The following ACADSB variants were observed in gnomAD, a reference collection of about 807,000 sequenced individuals.
The protein encoded by ACADSB is acyl-CoA dehydrogenase short/branched chain.
In ACADSB, 40 loss-of-function variants were observed where a neutral mutation model predicts 54.1. The observed-to-expected ratio is 0.74, with a 90% CI of 0.57 to 0.96. The LOEUF is 0.96. Among genes scored for constraint, ACADSB ranks in the 40% least tolerant of loss-of-function variants. The pLI is 0.00. For synonymous variants in ACADSB, 182 were observed against 182.8 expected (o/e 1.00, Z 0.03); for missense variants, 530 against 510.4 (o/e 1.04, Z -0.37).
rs189122604 is a variant in ACADSB, at chr10:123,057,134, C to G, written c.*3369C>G. On this transcript the variant is annotated 3_prime_UTR_variant, in exon 11 of 11. Transcript: ENST00000358776. Reference sequence around the variant, plus strand: ...TTACAGATAATGGAGCAGAAGCCAACATTAGTAAAAGGAATCCCAACTTCT... The same window carrying G: ...TTACAGATAATGGAGCAGAAGCCAAGATTAGTAAAAGGAATCCCAACTTCT... 6.6e-6 allele frequency: 1 copy of G among 152,438 alleles called. No individual in the cohort carries two copies. The highest frequency in any genetic ancestry group is 1.9e-4 in the East Asian group (1 of 5,176). 9.4% of individuals were successfully genotyped at this position (152,438 alleles called of 1,614,324 possible).
chr10:123,046,588 C>G (rs1850563111), intron 7 of ACADSB, among the ~76,000 whole-genome samples: 1 of 152,200 alleles, frequency 6.6e-6, no homozygotes, highest in Non-Finnish European at 1.5e-5. Context: ...TTCACCTACT[C>G]TACTCCCAAG....
chr10:123,025,790 G>A (rs781753536), intron 1 of ACADSB, among the ~76,000 whole-genome samples: 2 of 152,220 alleles, frequency 1.3e-5, no homozygotes, highest in Non-Finnish European at 2.9e-5. Context: ...CAGTGTGGTG[G>A]TGGCTCACGC....
At chr10:123,018,790 T>C (rs1391484708) in intron 1 of ACADSB, among the ~76,000 whole-genome samples, 1 of 152,186 alleles carries the variant, frequency 6.6e-6, no homozygotes, top group Admixed American at 6.5e-5. Context: ...GCAGGGGAAC[T>C]GCCCTTTATA....
chr10:123,039,076 A>C (rs1188768378), intron 3 of ACADSB, among the ~76,000 whole-genome samples: 1 of 152,020 alleles, frequency 6.6e-6, no homozygotes, highest in African/African-American at 2.4e-5. Context: ...CCTCACTCCC[A>C]TTGTCCTGGG....
chr10:123,024,619 C>T (rs1850225318), intron 1 of ACADSB, among the ~76,000 whole-genome samples: 1 of 152,240 alleles, frequency 6.6e-6, no homozygotes, highest in African/African-American at 2.4e-5. Flanking sequence ...AGGTTCTTGG[C>T]ATTTTGAACA....
At chr10:123,032,625 T>G (rs1197075572) in intron 1 of ACADSB, among the ~76,000 whole-genome samples, 1 of 149,668 alleles carries the variant, frequency 6.7e-6, no homozygotes, top group African/African-American at 2.5e-5. Flanking sequence ...GTTTCGCTCT[T>G]GTTGCCCAGG....
chr10:123,047,098 G>C lies in ACADSB; in HGVS notation c.901-111G>C. 3 of 894,502 alleles carry C rather than the reference G, an allele frequency of 3.4e-6. No homozygotes were observed. The South Asian group carries it at 4.2e-5, about 13-fold the overall frequency. 55.4% of individuals were successfully genotyped at this position (894,502 alleles called of 1,614,324 possible). A position where few individuals can be genotyped will look rare whatever the true frequency, so the allele number is the denominator to read the frequency against. On this transcript the variant is annotated intron_variant, in intron 7 of 10. Coordinates refer to ENST00000358776, the MANE Select transcript of ACADSB (RefSeq NM_001609.4). ...ACACCTCACCACCTCAGCATCTCCA[G>C]TTCTTCCCCTGCCCCAATCATTCAA...
chr10:123,043,196 A>G (rs1850498552), intron 6 of ACADSB, 25 bp downstream of exon 6: 31 of 1,612,506 alleles, frequency 1.9e-5, no homozygotes, highest in Non-Finnish European at 2.6e-5. Context: ...CTAATCAGTA[A>G]AAGACTGATG....
intron 3 of ACADSB, 147 bp downstream of exon 3, chr10:123,037,994 A>G: frequency 3.1e-6 from 2 of 649,996 alleles, no homozygotes; most frequent in Non-Finnish European, 5.3e-6. Flanking sequence ...TGTACTTAAA[A>G]GTTCTTAAAA....
At chr10:123,034,634 C>T in intron 2 of ACADSB, 119 bp downstream of exon 2, 1 of 1,084,362 alleles carries the variant, frequency 9.2e-7, no homozygotes, top group Non-Finnish European at 1.4e-6. Context: ...CTTCAGCCTC[C>T]TGAATAGCTG....
intron 1 of ACADSB, among the ~76,000 whole-genome samples, chr10:123,033,223 C>T (rs1003095651): frequency 3.3e-5 from 5 of 152,202 alleles, no homozygotes; most frequent in African/African-American, 9.6e-5. Flanking sequence ...AAAATTGAGA[C>T]GCATACCACT....
At chr10:123,027,027 G>A (rs576657321) in intron 1 of ACADSB, among the ~76,000 whole-genome samples, 7 of 152,228 alleles carry the variant, frequency 4.6e-5, no homozygotes, top group South Asian at 2.1e-4. Flanking sequence ...GGTAGGGCAC[G>A]TTCATAGATT....
In ACADSB at chr10:123,024,647, CACAA is replaced by C. The variant is rs1175677267; in HGVS notation, c.43-9703_43-9700del. ...TTTGAACAAAGAGTTGGACAAAATG[CACAA>C]ACAAAGGAAGAAAAGAATGAAGCAA... On this transcript the variant is annotated intron_variant, in intron 1 of 10. Transcript: ENST00000358776. Among the ~76,000 whole-genome samples, 8 of 152,286 alleles carry C rather than the reference CACAA, an allele frequency of 5.3e-5. No homozygotes were observed. The South Asian group carries it at 1.0e-3, about 20-fold the overall frequency.
intron 1 of ACADSB, among the ~76,000 whole-genome samples, chr10:123,024,383 C>T (rs1296941302): frequency 2.0e-5 from 3 of 152,216 alleles, no homozygotes; most frequent in African/African-American, 4.8e-5. Context: ...GGCAGCTATC[C>T]TCAGTCACTC....
rs1489138928 is a variant in ACADSB at position 123,023,540 on chromosome 10, A to T, written c.43-10816A>T. On this transcript the variant is annotated intron_variant, in intron 1 of 10. Transcript: ENST00000358776. ...TTTACCTTGGAACTCTAGCCATGAG[A>T]TAGCAATACAGGCTCACCAGTTTTA... 2.6e-5 allele frequency among the ~76,000 whole-genome samples: 4 copies of T among 152,328 alleles called. 1 individual carries two copies. The highest frequency in any genetic ancestry group is 2.6e-4 in the Admixed American group (4 of 15,290).
At chr10:123,036,435 G>A (rs1024878635) in intron 2 of ACADSB, among the ~76,000 whole-genome samples, 16 of 152,214 alleles carry the variant, frequency 1.1e-4, no homozygotes, top group African/African-American at 3.9e-4. Flanking sequence ...ATGGTCTCAG[G>A]GAAGTGAGTT....
chr10:123,014,251 C>G (rs1356546553), intron 1 of ACADSB, among the ~76,000 whole-genome samples: 1 of 152,184 alleles, frequency 6.6e-6, no homozygotes, highest in African/African-American at 2.4e-5. Flanking sequence ...GAACAGCTGA[C>G]TCATAATAAA....
Position 123,052,534 on chromosome 10 carries a change from C to T in ACADSB, c.1129-527C>T, listed in dbSNP as rs1396825634. Among the ~76,000 whole-genome samples the T allele has an allele frequency of 6.6e-6, 1 of 152,206 alleles. No homozygotes were observed. The highest frequency in any genetic ancestry group is 2.4e-5 in the African/African-American group (1 of 41,440). On this transcript the variant is annotated intron_variant, in intron 9 of 10. Transcript: ENST00000358776. This position sits in a 1 kb window ranked among gnomAD's most constrained non-coding sequence, Gnocchi z 4.2. ...AATCTCTCCATCTCGTGTCCTTACC[C>T]ACATCTGCAGAGTCCCTATTGCCAT...
At chr10:123,009,891 G>C (rs2133448555) in intron 1 of ACADSB, among the ~76,000 whole-genome samples, 1 of 152,296 alleles carries the variant, frequency 6.6e-6, no homozygotes, top group East Asian at 1.9e-4. Flanking sequence ...CACTTCACTG[G>C]GAATTTTCCC....
Sources: allele counts gnomAD v4.1 joint callset (sites outside exome capture counted in the v4.1 genomes callset), GRCh38; gene constraint gnomAD v4.1.1; non-coding constraint Gnocchi (gnomAD v3.1); transcripts MANE v1.5; gene names NCBI Gene and HGNC (gene_info 2026-07-23, HGNC 2026-07-21).